Variants in KHDRBS2 observed in about 807,000 individuals in gnomAD.
KHDRBS2 encodes the protein KH domain-containing, RNA-binding, signal transduction-associated protein 2.
KHDRBS2 carries 26 observed loss-of-function variants against 44.3 expected under a neutral mutation model. That is an observed-to-expected ratio of 0.59 (90% confidence interval 0.43 to 0.81). The LOEUF is 0.81. KHDRBS2 is among the 40% of genes least tolerant of loss of function. The probability of loss-of-function intolerance (pLI) is 0.00; values close to 1 mark genes in which losing one functional copy is unlikely to be tolerated. For missense variants in KHDRBS2, 476 were observed against 433.1 expected (o/e 1.10, Z -0.88); for synonymous variants, 194 against 151.1 (o/e 1.28, Z -2.08).
intron 6 of KHDRBS2, among the ~76,000 whole-genome samples, chr6:61,844,206 C>T (rs1215479483): frequency 6.6e-6 from 1 of 152,066 alleles, no homozygotes; most frequent in Non-Finnish European, 1.5e-5. Context: ...ATTACCTTTC[C>T]CTGGGACTAT....
At position 61,930,518 on chromosome 6, in the gene KHDRBS2, G is replaced by A. The variant is rs1208592020; in HGVS notation, c.484-29147C>T. On this transcript the variant is annotated intron_variant, in intron 4 of 8. Transcript: ENST00000281156. ...GGGAAGTGATAATGGACCCTATACC[G>A]CCCCTAAAAAAAAAAAAAAAAAAAA... is the stretch of plus-strand genomic sequence containing the variant. Among the ~76,000 whole-genome samples the A allele has an allele frequency of 3.4e-4, 26 of 75,742 alleles. No homozygotes were observed. The South Asian group carries it at 8.5e-3, about 25-fold the overall frequency. 49.7% of individuals were successfully genotyped at this position (75,742 alleles called of 152,430 possible).
At chr6:61,854,210 T>C (rs1486053782) in intron 6 of KHDRBS2, among the ~76,000 whole-genome samples, 1 of 152,166 alleles carries the variant, frequency 6.6e-6, no homozygotes, top group Non-Finnish European at 1.5e-5. Flanking sequence ...TACTTGAAAT[T>C]TTTTTTCTGT....
intron 2 of KHDRBS2, among the ~76,000 whole-genome samples, chr6:62,106,351 G>T (rs577653603): frequency 6.6e-6 from 1 of 152,076 alleles, no homozygotes; most frequent in East Asian, 1.9e-4. Flanking sequence ...TTTCTGTCTC[G>T]CTGATCGGTC....
At chr6:61,885,062 GA>G (rs1800748601) in intron 6 of KHDRBS2, among the ~76,000 whole-genome samples, 1 of 152,014 alleles carries the variant, frequency 6.6e-6, no homozygotes, top group Non-Finnish European at 1.5e-5. Flanking sequence ...TTCTAAACCT[GA>G]AAACACTATT....
At chr6:62,222,519 C>T (rs1386594022) in intron 1 of KHDRBS2, among the ~76,000 whole-genome samples, 2 of 152,084 alleles carry the variant, frequency 1.3e-5, no homozygotes, top group Non-Finnish European at 2.9e-5. Context: ...ATGATGGGAA[C>T]TGCCCTCATG....
the KHDRBS2 span, among the ~76,000 whole-genome samples, chr6:61,655,540 C>T: frequency 3.3e-5 from 5 of 152,202 alleles, no homozygotes; most frequent in African/African-American, 1.2e-4. Flanking sequence ...CAGGCATGAG[C>T]CAATGTGCTT....
chr6:61,785,074 G>T (rs1197358875), intron 6 of KHDRBS2, among the ~76,000 whole-genome samples: 1 of 151,922 alleles, frequency 6.6e-6, no homozygotes, highest in Non-Finnish European at 1.5e-5. Context: ...ACCTGAGCCT[G>T]GGAAGATGGA....
chr6:61,562,392 C>A, the KHDRBS2 span, among the ~76,000 whole-genome samples: 7 of 152,072 alleles, frequency 4.6e-5, no homozygotes, highest in Non-Finnish European at 1.5e-5. Flanking sequence ...CAAGTGTTGG[C>A]TGGTTTCATG....
intron 4 of KHDRBS2, among the ~76,000 whole-genome samples, chr6:61,966,137 G>A (rs928778970): frequency 6.6e-5 from 10 of 151,836 alleles, no homozygotes; most frequent in South Asian, 2.1e-4. Flanking sequence ...TTTGTTTTAC[G>A]CTTAAAATGA....
At chr6:61,846,716 G>A (rs1013965282) in intron 6 of KHDRBS2, among the ~76,000 whole-genome samples, 3 of 151,874 alleles carry the variant, frequency 2.0e-5, no homozygotes, top group Non-Finnish European at 2.9e-5. Context: ...ATTGCACAAG[G>A]TAAGAACTCC....
chr6:61,552,319 C>T, the KHDRBS2 span, among the ~76,000 whole-genome samples: 23 of 152,012 alleles, frequency 1.5e-4, no homozygotes, highest in African/African-American at 5.1e-4. Flanking sequence ...AACTTGGATG[C>T]TGTTGGTGCA....
intron 6 of KHDRBS2, among the ~76,000 whole-genome samples, chr6:61,789,064 G>A (rs1004308941): frequency 1.3e-5 from 2 of 151,170 alleles, no homozygotes; most frequent in African/African-American, 2.4e-5. Context: ...CTGCAAAATC[G>A]TCGTAAGAAA....
chr6:62,097,489 G>C (rs1800875074), intron 2 of KHDRBS2, among the ~76,000 whole-genome samples: 1 of 151,838 alleles, frequency 6.6e-6, no homozygotes. Context: ...GAATGACCTT[G>C]TCTCTTTTTA....
chr6:62,207,751 G>C (rs1337184790), intron 1 of KHDRBS2, among the ~76,000 whole-genome samples: 1 of 152,010 alleles, frequency 6.6e-6, no homozygotes, highest in Non-Finnish European at 1.5e-5. Context: ...TCCATACAAA[G>C]ATTAAAACGA....
chr6:61,651,927 A>G, the KHDRBS2 span, among the ~76,000 whole-genome samples: 1 of 152,228 alleles, frequency 6.6e-6, no homozygotes, highest in South Asian at 2.1e-4. Flanking sequence ...TTTTAATTGT[A>G]ATATTCATAG....
At chr6:61,737,044 A>G (rs1432904490) in intron 6 of KHDRBS2, among the ~76,000 whole-genome samples, 1 of 152,118 alleles carries the variant, frequency 6.6e-6, no homozygotes, top group Non-Finnish European at 1.5e-5. Context: ...AATTAGCCAA[A>G]GGAGACTACT....
At chr6:62,262,165 T>C (rs2150182355) in intron 1 of KHDRBS2, among the ~76,000 whole-genome samples, 1 of 151,838 alleles carries the variant, frequency 6.6e-6, no homozygotes, top group Non-Finnish European at 1.5e-5. Context: ...TTCATTTTTT[T>C]CCACTTATCT....
intron 6 of KHDRBS2, among the ~76,000 whole-genome samples, chr6:61,738,243 C>T (rs1324730101): frequency 6.6e-6 from 1 of 152,042 alleles, no homozygotes; most frequent in East Asian, 1.9e-4. Flanking sequence ...TAAAAGAAAA[C>T]CTTCTAAATA....
chr6:62,231,826 A>G (rs1029571191), intron 1 of KHDRBS2, among the ~76,000 whole-genome samples: 2 of 152,212 alleles, frequency 1.3e-5, no homozygotes, highest in Middle Eastern at 3.2e-3. Flanking sequence ...TATTTAAGAT[A>G]AAGTAGAATA....
Sources: allele counts gnomAD v4.1 joint callset (sites outside exome capture counted in the v4.1 genomes callset), GRCh38; gene constraint gnomAD v4.1.1; transcripts MANE v1.5; gene names NCBI Gene and HGNC (gene_info 2026-07-23, HGNC 2026-07-21).